The following OR5D16 variants were observed in gnomAD, a reference collection of about 807,000 sequenced individuals.
OR5D16 encodes the protein olfactory receptor 5D16.
For missense variants in OR5D16, 477 were observed against 385.5 expected (o/e 1.24, Z -1.99); for synonymous variants, 185 against 153.2 (o/e 1.21, Z -1.53).
rs1590610082 is a variant in OR5D16 at position 55,839,132 on chromosome 11, C to T, written c.381C>T (p.Ala127=). 6.2e-7 allele frequency: 1 copy of T among 1,613,908 alleles called. No individual in the cohort carries two copies. The highest frequency in any genetic ancestry group is 1.1e-5 in the South Asian group (1 of 91,080). The part of the protein sequence containing the change: ...FAVMAYDHFV[A]ICNPLLYTVA... Reference sequence around the variant, plus strand: ...TGATGGCCTATGACCACTTTGTGGCCATTTGCAATCCTCTGCTCTACACAG... The same window carrying T: ...TGATGGCCTATGACCACTTTGTGGCTATTTGCAATCCTCTGCTCTACACAG... The change falls in exon 1 of 1, where the codon GCC becomes GCT. Residue 127 remains alanine, a synonymous_variant. Transcript: ENST00000378396.
rs755941347 is a variant in OR5D16, at chr11:55,838,775, G to T, written c.24G>T (p.Thr8=). ...ACATGTTTCTGACAGAGAGAAATAC[G>T]ACATCTGAGGCCACATTCACTCTCT... MFLTERN[T]TSEATFTLLG... is the part of the protein sequence containing the mutation. Residue 8 remains threonine, a synonymous_variant, in exon 1 of 1, where the codon ACG becomes ACT. Coordinates refer to ENST00000378396, the MANE Select transcript of OR5D16 (RefSeq NM_001005496.1). 1 of 1,609,850 alleles carries T rather than the reference G, an allele frequency of 6.2e-7. No individual in the cohort carries two copies. The highest frequency in any genetic ancestry group is 1.1e-5 in the South Asian group (1 of 90,190).
At position 55,839,607 on chromosome 11, in the gene OR5D16, T is replaced by A; in HGVS notation, c.856T>A (p.Leu286Met). ...TGTGTTTTACACCGTGGTGATCCCC[T>A]TGTTGAATCCCCTGATCTACAGTCT... The part of the protein sequence containing the change: ...ASVFYTVVIP[L>M]LNPLIYSLRN... Residue 286 changes from leucine (L) to methionine (M), a missense_variant, in exon 1 of 1, where the codon TTG becomes ATG. By Grantham distance (15) the Leu-to-Met change is conservative. Transcript: ENST00000378396. 6.2e-7 allele frequency: 1 copy of A among 1,614,006 alleles called. No individual in the cohort carries two copies. The highest frequency in any genetic ancestry group is 8.5e-7 in the Non-Finnish European group (1 of 1,179,928).
chr11:55,839,707 G>T lies in OR5D16; in HGVS notation c.956G>T (p.Trp319Leu), dbSNP rs200328545. The change falls in exon 1 of 1, where the codon TGG becomes TTG. Residue 319 changes from tryptophan (W) to leucine (L), a missense_variant. Trp to Leu is a moderately conservative substitution (Grantham distance 61). Transcript: ENST00000378396. ...TATTTTCATATTAAACATAGGCATT[G>T]GTATCCATTTAATTTTGTTATTGAA... ...TKYFHIKHRH[W>L]YPFNFVIEQ 1.3e-6 allele frequency: 2 copies of T among 1,590,018 alleles called. No homozygotes were observed. The highest frequency in any genetic ancestry group is 1.3e-5 in the African/African-American group (1 of 74,078).
Position 55,839,438 on chromosome 11 carries a change from G to A in OR5D16, c.687G>A (p.Lys229=), listed in dbSNP as rs779891030. The change falls in exon 1 of 1, where the codon AAG becomes AAA. Residue 229 remains lysine (K), a synonymous_variant. Coordinates refer to ENST00000378396, the MANE Select transcript of OR5D16 (RefSeq NM_001005496.1). ...CATTCATCATTGTCACCACCTTGAA[G>A]ATGCCTTCAGCCAGTGGGCACCGCA... ...SYAFIIVTTL[K]MPSASGHRKV... is the part of the protein sequence containing the mutation. 6.2e-7 allele frequency: 1 copy of A among 1,613,948 alleles called. No individual in the cohort carries two copies. The highest frequency in any genetic ancestry group is 8.5e-7 in the Non-Finnish European group (1 of 1,179,940).
Position 55,839,193 on chromosome 11 carries a change from G to T in OR5D16, c.442G>T (p.Val148Phe). 2.5e-6 allele frequency: 4 copies of T among 1,613,978 alleles called. No individual in the cohort carries two copies. Among genetic ancestry groups the T allele is most frequent in the East Asian group, 4.5e-5 (2 of 44,870 alleles). The change falls in exon 1 of 1, where the codon GTT becomes TTT. Residue 148 changes from valine to phenylalanine, a missense_variant. Val to Phe is a conservative substitution (Grantham distance 50). Coordinates refer to ENST00000378396, the MANE Select transcript of OR5D16 (RefSeq NM_001005496.1). ...ISQKLCAMLV[V>F]VLYAWGVACS... Reference sequence around the variant, plus strand: ...CCAGAAACTCTGTGCCATGCTGGTGGTTGTATTGTATGCATGGGGAGTCGC... The same window carrying T: ...CCAGAAACTCTGTGCCATGCTGGTGTTTGTATTGTATGCATGGGGAGTCGC...
chr11:55,838,846 T>C lies in OR5D16; in HGVS notation c.95T>C (p.Val32Ala). 6.2e-7 allele frequency: 1 copy of C among 1,614,008 alleles called. No homozygotes were observed. The highest frequency in any genetic ancestry group is 8.5e-7 in the Non-Finnish European group (1 of 1,179,930). ...GAACTGCAAATTCCCCTCTTCTTTGTATTTCTGGCAGTCTACGGCTTCAGT... is the reference window on the plus strand; with the variant it reads ...GAACTGCAAATTCCCCTCTTCTTTGCATTTCTGGCAGTCTACGGCTTCAGT... ...YLELQIPLFFVFLAVYGFSVV... is the reference protein window; with the variant it reads ...YLELQIPLFFAFLAVYGFSVV... The change falls in exon 1 of 1, where the codon GTA becomes GCA. Residue 32 changes from valine (V) to alanine (A), a missense_variant. Val to Ala is a moderately conservative substitution (Grantham distance 64). Transcript: ENST00000378396.
Position 55,838,826 on chromosome 11 carries a change from G to T in OR5D16, c.75G>T (p.Leu25=), listed in dbSNP as rs6591699. 0.64 allele frequency: 1,033,189 copies of T among 1,613,372 alleles called. 332,352 individuals are homozygous for T. Among genetic ancestry groups the T allele is most frequent in the East Asian group, 0.77 (34,713 of 44,838 alleles). ...TLLGFSDYLE[L]QIPLFFVFLA... ...TGGGCTTCTCAGATTACCTGGAACT[G>T]CAAATTCCCCTCTTCTTTGTATTTC... The change falls in exon 1 of 1, where the codon CTG becomes CTT. Residue 25 remains leucine, a synonymous_variant. Coordinates refer to ENST00000378396, the MANE Select transcript of OR5D16 (RefSeq NM_001005496.1).
rs768540890 is a variant in OR5D16 at position 55,839,333 on chromosome 11, T to C, written c.582T>C (p.Ser194=). Residue 194 remains serine, a synonymous_variant, in exon 1 of 1, where the codon TCT becomes TCC. Coordinates refer to ENST00000378396, the MANE Select transcript of OR5D16 (RefSeq NM_001005496.1). ...SSLISLSYPD[S]YLSQLLLFTV... ...TGATATCACTCTCTTACCCTGACTCTTATCTCAGCCAGTTGCTTCTTTTCA... is the reference window on the plus strand; with the variant it reads ...TGATATCACTCTCTTACCCTGACTCCTATCTCAGCCAGTTGCTTCTTTTCA... 13 of 1,613,704 alleles carry C rather than the reference T, an allele frequency of 8.1e-6. No individual in the cohort carries two copies. Among genetic ancestry groups the C allele is most frequent in the Admixed American group, 1.7e-5 (1 of 59,996 alleles).
chr11:55,838,851 C>T lies in OR5D16; in HGVS notation c.100C>T (p.Leu34=), dbSNP rs757204911. 2 of 1,614,000 alleles carry T rather than the reference C, an allele frequency of 1.2e-6. No homozygotes were observed. The highest frequency in any genetic ancestry group is 8.5e-7 in the Non-Finnish European group (1 of 1,179,906). ...GCAAATTCCCCTCTTCTTTGTATTT[C>T]TGGCAGTCTACGGCTTCAGTGTGGT... ...ELQIPLFFVF[L]AVYGFSVVGN... The change falls in exon 1 of 1, where the codon CTG becomes TTG. Residue 34 remains leucine (L), a synonymous_variant. Coordinates refer to ENST00000378396, the MANE Select transcript of OR5D16 (RefSeq NM_001005496.1).
At position 55,839,542 on chromosome 11, in the gene OR5D16, C is replaced by G. The variant is rs554506917; in HGVS notation, c.791C>G (p.Pro264Arg). 6.2e-7 allele frequency: 1 copy of G among 1,614,064 alleles called. No homozygotes were observed. Among genetic ancestry groups the G allele is most frequent in the Non-Finnish European group, 8.5e-7 (1 of 1,179,970 alleles). ...HGTILFLYCV[P>R]NSKNSRHTVK... is the part of the protein sequence containing the mutation. ...ACCATCCTCTTCCTCTACTGTGTAC[C>G]CAACTCCAAAAACTCCAGGCACACA... Residue 264 changes from proline to arginine, a missense_variant, in exon 1 of 1, where the codon CCC becomes CGC. Pro to Arg is a moderately radical substitution (Grantham distance 103). Coordinates refer to ENST00000378396, the MANE Select transcript of OR5D16 (RefSeq NM_001005496.1).
In OR5D16 at chr11:55,839,202, T is replaced by A; in HGVS notation, c.451T>A (p.Tyr151Asn). ...KLCAMLVVVL[Y>N]AWGVACSLTL... ...CTGTGCCATGCTGGTGGTTGTATTG[T>A]ATGCATGGGGAGTCGCATGTTCCCT... The change falls in exon 1 of 1, where the codon TAT becomes AAT. Residue 151 changes from tyrosine to asparagine, a missense_variant. Tyr to Asn is a moderately radical substitution (Grantham distance 143, BLOSUM62 -2). Coordinates refer to ENST00000378396, the MANE Select transcript of OR5D16 (RefSeq NM_001005496.1). The A allele has an allele frequency of 6.2e-7, 1 of 1,614,008 alleles. No homozygotes were observed.
Position 55,839,501 on chromosome 11 carries a change from C to T in OR5D16, c.750C>T (p.Ile250=), listed in dbSNP as rs1854065597. 3.7e-6 allele frequency: 6 copies of T among 1,613,962 alleles called. No individual in the cohort carries two copies. The Admixed American group carries it at 5.0e-5, about 13-fold the overall frequency. ...FSTCASHLTA[I]TIFHGTILFL... ...CCTGTGCCTCCCACCTGACTGCCAT[C>T]ACCATCTTCCATGGCACCATCCTCT... The change falls in exon 1 of 1, where the codon ATC becomes ATT. Residue 250 remains isoleucine, a synonymous_variant. Transcript: ENST00000378396.
At position 55,839,316 on chromosome 11, in the gene OR5D16, C is replaced by G. The variant is rs368186256; in HGVS notation, c.565C>G (p.Leu189Val). 2 of 1,613,726 alleles carry G rather than the reference C, an allele frequency of 1.2e-6. No individual in the cohort carries two copies. The highest frequency in any genetic ancestry group is 1.3e-5 in the African/African-American group (1 of 74,838). ...FFCELSSLIS[L>V]SYPDSYLSQL... is the part of the protein sequence containing the mutation. Reference sequence around the variant, plus strand: ...CTGTGAGTTATCCTCCCTGATATCACTCTCTTACCCTGACTCTTATCTCAG... The same window carrying G: ...CTGTGAGTTATCCTCCCTGATATCAGTCTCTTACCCTGACTCTTATCTCAG... The change falls in exon 1 of 1, where the codon CTC becomes GTC. Residue 189 changes from leucine (L) to valine (V), a missense_variant. Transcript: ENST00000378396.
At position 55,839,565 on chromosome 11, in the gene OR5D16, A is replaced by G. The variant is rs750491150; in HGVS notation, c.814A>G (p.Thr272Ala). The stretch of plus-strand genomic sequence containing the variant: ...ACCCAACTCCAAAAACTCCAGGCAC[A>G]CAGTCAAAGTGGCCTCTGTGTTTTA... ...CVPNSKNSRH[T>A]VKVASVFYTV... is the part of the protein sequence containing the mutation. The change falls in exon 1 of 1, where the codon ACA (threonine) becomes GCA (alanine). Residue 272 changes from threonine (T) to alanine (A), a missense_variant. Coordinates refer to ENST00000378396, the MANE Select transcript of OR5D16 (RefSeq NM_001005496.1). 1.8e-5 allele frequency: 29 copies of G among 1,614,068 alleles called. No individual in the cohort carries two copies. The highest frequency in any genetic ancestry group is 2.3e-5 in the Non-Finnish European group (27 of 1,179,966).
In OR5D16 at chr11:55,839,178, T is replaced by G. The variant is rs1565126456; in HGVS notation, c.427T>G (p.Cys143Gly). Residue 143 changes from cysteine (C) to glycine (G), a missense_variant, in exon 1 of 1, where the codon TGT becomes GGT. Physicochemically the swap from Cys to Gly is radical, Grantham distance 159. Coordinates refer to ENST00000378396, the MANE Select transcript of OR5D16 (RefSeq NM_001005496.1). ...LYTVAISQKL[C>G]AMLVVVLYAW... The stretch of plus-strand genomic sequence containing the variant: ...CACAGTTGCCATCTCCCAGAAACTC[T>G]GTGCCATGCTGGTGGTTGTATTGTA... 3 of 1,614,084 alleles carry G rather than the reference T, an allele frequency of 1.9e-6. No individual in the cohort carries two copies. The highest frequency in any genetic ancestry group is 2.5e-6 in the Non-Finnish European group (3 of 1,180,000).
Position 55,839,451 on chromosome 11 carries a change from A to T in OR5D16, c.700A>T (p.Ser234Cys). Residue 234 changes from serine (S) to cysteine (C), a missense_variant, in exon 1 of 1, where the codon AGT (serine) becomes TGT (cysteine). Ser to Cys is a moderately radical substitution (Grantham distance 112). Coordinates refer to ENST00000378396, the MANE Select transcript of OR5D16 (RefSeq NM_001005496.1). ...CACCACCTTGAAGATGCCTTCAGCC[A>T]GTGGGCACCGCAAAGTCTTCTCCAC... ...IVTTLKMPSA[S>C]GHRKVFSTCA... The T allele has an allele frequency of 6.2e-7, 1 of 1,614,052 alleles. No homozygotes were observed. The highest frequency in any genetic ancestry group is 8.5e-7 in the Non-Finnish European group (1 of 1,179,952).
chr11:55,839,112 G>A lies in OR5D16; in HGVS notation c.361G>A (p.Ala121Thr), dbSNP rs1854052621. The change falls in exon 1 of 1, where the codon GCC becomes ACC. Residue 121 changes from alanine to threonine, a missense_variant. Coordinates refer to ENST00000378396, the MANE Select transcript of OR5D16 (RefSeq NM_001005496.1). ...TGAATTAATTCTATTTGCGGTGATG[G>A]CCTATGACCACTTTGTGGCCATTTG... is the stretch of plus-strand genomic sequence containing the variant. ...VTELILFAVMAYDHFVAICNP... is the reference protein window; with the variant it reads ...VTELILFAVMTYDHFVAICNP... The A allele has an allele frequency of 6.2e-7, 1 of 1,613,956 alleles. No individual in the cohort carries two copies. Among genetic ancestry groups the A allele is most frequent in the African/African-American group, 1.3e-5 (1 of 75,002 alleles).
Position 55,839,735 on chromosome 11 carries a change from A to G in OR5D16, c.984A>G (p.Gln328=). The G allele has an allele frequency of 6.4e-7, 1 of 1,556,970 alleles. No homozygotes were observed. Among genetic ancestry groups the G allele is most frequent in the Non-Finnish European group, 8.8e-7 (1 of 1,142,278 alleles). The change falls in exon 1 of 1, where the codon CAA becomes CAG. Residue 328 remains glutamine, a synonymous_variant. Coordinates refer to ENST00000378396, the MANE Select transcript of OR5D16 (RefSeq NM_001005496.1). ...ATCCATTTAATTTTGTTATTGAACA[A>G]TAAATTTTTCCTGTTTTTTCAAATG... is the stretch of plus-strand genomic sequence containing the variant. ...HWYPFNFVIE[Q] is the part of the protein sequence containing the mutation.
chr11:55,839,562 C>A lies in OR5D16; in HGVS notation c.811C>A (p.His271Asn), dbSNP rs367552811. The A allele has an allele frequency of 2.5e-5, 40 of 1,614,062 alleles. No individual in the cohort carries two copies. In the African/African-American group the frequency reaches 4.7e-4, roughly 19 times the overall value. Residue 271 changes from histidine to asparagine, a missense_variant, in exon 1 of 1, where the codon CAC (histidine) becomes AAC (asparagine). Physicochemically the swap from His to Asn is moderately conservative, Grantham distance 68. Coordinates refer to ENST00000378396, the MANE Select transcript of OR5D16 (RefSeq NM_001005496.1). The part of the protein sequence containing the change: ...YCVPNSKNSR[H>N]TVKVASVFYT... ...TGTACCCAACTCCAAAAACTCCAGGCACACAGTCAAAGTGGCCTCTGTGTT... is the reference window on the plus strand; with the variant it reads ...TGTACCCAACTCCAAAAACTCCAGGAACACAGTCAAAGTGGCCTCTGTGTT...
Sources: gnomAD v4.1 joint callset for allele counts on GRCh38, gnomAD v4.1.1 for gene constraint, MANE v1.5 for transcripts, NCBI Gene and HGNC (gene_info 2026-07-23, HGNC 2026-07-21) for gene names.